Variants in METTL1 observed in about 807,000 individuals in gnomAD.
METTL1 encodes the protein tRNA (guanine-N(7)-)-methyltransferase.
METTL1 carries 14 observed loss-of-function variants against 27.7 expected under a neutral mutation model. The observed-to-expected ratio is 0.51, with a 90% CI of 0.33 to 0.79. The LOEUF (loss-of-function observed/expected upper bound fraction) is 0.79, where lower values mean the gene tolerates loss of function less well. METTL1 is among the 30% of genes least tolerant of loss of function. The pLI is 0.02. For missense variants in METTL1, 333 were observed against 359.6 expected (o/e 0.93, Z 0.60); for synonymous variants, 138 against 137.0 (o/e 1.01, Z -0.05).
In METTL1 at chr12:57,769,621, A is replaced by G. The variant is rs1955403533; in HGVS notation, c.517T>C (p.Trp173Arg). The change falls in exon 4 of 6, where the codon TGG becomes CGG. Residue 173 changes from tryptophan (W) to arginine (R), a missense_variant. Physicochemically the swap from Trp to Arg is moderately radical, Grantham distance 101. Coordinates refer to ENST00000324871, the MANE Select transcript of METTL1 (RefSeq NM_005371.6). ...DPHFKRTKHK[W>R]RIISPTLLAE... ...AGCAGGGTGGGACTGATGATTCGCC[A>G]CTTGTGCTTTGTCCGCTTGAAATGT... The G allele has an allele frequency of 1.9e-6, 3 of 1,554,730 alleles. No individual in the cohort carries two copies. The Admixed American group carries it at 5.5e-5, about 28-fold the overall frequency.
chr12:57,770,028 A>G, intron 2 of METTL1, 72 bp from the exon 3 acceptor site: 2 of 1,471,174 alleles, frequency 1.4e-6, no homozygotes, highest in African/African-American at 2.8e-5. Context: ...AACACAGGAA[A>G]GGAAGCCTCA....
rs774090928 is a variant in METTL1, at chr12:57,771,240, T to A, written c.128A>T (p.Glu43Val). 3 of 1,612,180 alleles carry A rather than the reference T, an allele frequency of 1.9e-6. No homozygotes were observed. The highest frequency in any genetic ancestry group is 2.2e-5 in the East Asian group (1 of 44,756). ...HTLRYPVKPE[E>V]MDWSELYPEF... ...TGGGTATAGCTCAGACCAGTCCATC[T>A]CCTCTGGCTTCACAGGGCTATTGGA... Residue 43 changes from glutamate (E) to valine (V), a missense_variant, in exon 2 of 6, where the codon GAG becomes GTG. Transcript: ENST00000324871.
rs1955402402 is a variant in METTL1, at chr12:57,769,547, C to T, written c.573+18G>A. On this transcript the variant is annotated intron_variant, in intron 4 of 5. Coordinates refer to ENST00000324871, the MANE Select transcript of METTL1 (RefSeq NM_005371.6). ...TGAGTAGGCCACTCACCCCATCATC[C>T]CTCCGATCCCAACTCACCCCAACTC... 6.4e-7 allele frequency: 1 copy of T among 1,558,602 alleles called. No homozygotes were observed. The highest frequency in any genetic ancestry group is 8.7e-7 in the Non-Finnish European group (1 of 1,149,546).
chr12:57,770,067 A>C, intron 2 of METTL1, 111 bp from the exon 3 acceptor site: 1 of 1,094,330 alleles, frequency 9.1e-7, no homozygotes, highest in Admixed American at 2.4e-5. Flanking sequence ...CCAGAACGGC[A>C]AGAGAGGACA....
rs778273362 is a variant in METTL1, at chr12:57,772,017, G to T, written c.67C>A (p.Gln23Lys). ...APPPQKRYYR[Q>K]RAHSNPMADH... is the part of the protein sequence containing the mutation. ...GCCATGGGGTTGGAGTGAGCACGTT[G>T]CCGGTAGTAGCGCTTCTGGGGCGGT... Residue 23 changes from glutamine (Q) to lysine (K), a missense_variant, in exon 1 of 6, where the codon CAA becomes AAA. Physicochemically the swap from Gln to Lys is moderately conservative, Grantham distance 53 (BLOSUM62 1). Coordinates refer to ENST00000324871, the MANE Select transcript of METTL1 (RefSeq NM_005371.6). This position sits in a 1 kb window ranked among gnomAD's most constrained non-coding sequence, Gnocchi z 4.1. 6.4e-7 allele frequency: 1 copy of T among 1,551,784 alleles called. No individual in the cohort carries two copies. The highest frequency in any genetic ancestry group is 8.6e-7 in the Non-Finnish European group (1 of 1,157,418).
chr12:57,769,438 G>C, intron 4 of METTL1, 34 bp from the exon 5 acceptor site: 2 of 1,609,706 alleles, frequency 1.2e-6, no homozygotes, highest in Non-Finnish European at 8.5e-7. Context: ...ACAGGAGGCT[G>C]CATGCAACGT....
Position 57,769,093 on chromosome 12 carries a change from A to G in METTL1, c.734T>C (p.Leu245Pro). 2 of 1,611,320 alleles carry G rather than the reference A, an allele frequency of 1.2e-6. No homozygotes were observed. Among genetic ancestry groups the G allele is most frequent in the Non-Finnish European group, 1.7e-6 (2 of 1,177,600 alleles). The stretch of plus-strand genomic sequence containing the variant: ...TGGGAAATTCTTCCCTCCATTACGT[A>G]GAACTTTCTTCCCCTCCTCAGTTGA... ...GTSTEEGKKV[L>P]RNGGKNFPAI... is the part of the protein sequence containing the mutation. Residue 245 changes from leucine (L) to proline (P), a missense_variant, in exon 6 of 6, where the codon CTA becomes CCA. Physicochemically the swap from Leu to Pro is moderately conservative, Grantham distance 98. Transcript: ENST00000324871.
intron 2 of METTL1, chr12:57,770,789 G>A (rs114479648): frequency 0.013 from 3,634 of 273,168 alleles, 120 homozygotes; most frequent in African/African-American, 0.071. Flanking sequence ...TGGCCACAAC[G>A]GCTAATCTCT....
chr12:57,769,602 G>A lies in METTL1; in HGVS notation c.536C>T (p.Thr179Ile), dbSNP rs575214931. 11 of 1,554,500 alleles carry A rather than the reference G, an allele frequency of 7.1e-6. No individual in the cohort carries two copies. Among genetic ancestry groups the A allele is most frequent in the Non-Finnish European group, 7.8e-6 (9 of 1,147,072 alleles). Residue 179 changes from threonine (T) to isoleucine (I), a missense_variant, in exon 4 of 6, where the codon ACC (threonine) becomes ATC (isoleucine). Physicochemically the swap from Thr to Ile is moderately conservative, Grantham distance 89. Transcript: ENST00000324871. ...CACGTAGGCATATTCTGCTAGCAGG[G>A]TGGGACTGATGATTCGCCACTTGTG... The part of the protein sequence containing the change: ...TKHKWRIISP[T>I]LLAEYAYVLR...
chr12:57,771,920 C>T, intron 1 of METTL1, 54 bp downstream of exon 1: 1 of 1,476,816 alleles, frequency 6.8e-7, no homozygotes, highest in South Asian at 1.4e-5. Flanking sequence ...CAACTGCTCT[C>T]CCGGCTGCTT....
chr12:57,771,400 G>A (rs544158838), intron 1 of METTL1, 143 bp from the exon 2 acceptor site: 89 of 1,460,992 alleles, frequency 6.1e-5, no homozygotes, highest in Non-Finnish European at 7.7e-5. Context: ...GGGCCCTGTG[G>A]CCTCTAAGAG....
At chr12:57,771,757 A>G (rs1955435330) in intron 1 of METTL1, 1 of 1,293,442 alleles carries the variant, frequency 7.7e-7, no homozygotes, top group Non-Finnish European at 1.0e-6. Context: ...TCCCAAACTT[A>G]GCACCGCTAC....
At chr12:57,771,940 C>T (rs1955438516) in intron 1 of METTL1, 34 bp downstream of exon 1, 1 of 1,485,252 alleles carries the variant, frequency 6.7e-7, no homozygotes, top group Non-Finnish European at 8.9e-7. Context: ...TTGAGAATCC[C>T]GCCCTCCTCT....
Position 57,769,645 on chromosome 12 carries a change from G to A in METTL1, c.493C>T (p.His165Tyr), listed in dbSNP as rs1362279459. ...TKMFFLFPDP[H>Y]FKRTKHKWRI... is the part of the protein sequence containing the mutation. ...CACTTGTGCTTTGTCCGCTTGAAAT[G>A]TGGGTCGGGGAAGAGGAAGAACATC... is the stretch of plus-strand genomic sequence containing the variant. Residue 165 changes from histidine to tyrosine, a missense_variant, in exon 4 of 6, where the codon CAT becomes TAT. Physicochemically the swap from His to Tyr is moderately conservative, Grantham distance 83. Transcript: ENST00000324871. 4 of 1,559,712 alleles carry A rather than the reference G, an allele frequency of 2.6e-6. No homozygotes were observed. Among genetic ancestry groups the A allele is most frequent in the African/African-American group, 1.4e-5 (1 of 73,708 alleles).
intron 1 of METTL1, chr12:57,771,472 A>C: frequency 6.7e-7 from 1 of 1,498,044 alleles, no homozygotes; most frequent in Non-Finnish European, 8.9e-7. Flanking sequence ...AGGCCCATAA[A>C]CGCTGACCTG....
rs906618518 is a variant in METTL1 at position 57,771,532 on chromosome 12, T to A, written c.111-275A>T. 5 of 1,533,256 alleles carry A rather than the reference T, an allele frequency of 3.3e-6. No individual in the cohort carries two copies. The African/African-American group carries it at 6.9e-5, about 21-fold the overall frequency. The allele number at this position is 1,533,256 out of a possible 1,614,324, so 95.0% of individuals were successfully genotyped here. On this transcript the variant is annotated intron_variant, in intron 1 of 5. Coordinates refer to ENST00000324871, the MANE Select transcript of METTL1 (RefSeq NM_005371.6). ...TGTGACCCTGGCCGGGTAACTGCCC[T>A]TTCTGGGGCACAAGTTCCCCTTCTC...
In METTL1 at chr12:57,769,623, T is replaced by C; in HGVS notation, c.515A>G (p.Lys172Arg). The C allele has an allele frequency of 1.3e-6, 2 of 1,556,016 alleles. No homozygotes were observed. The highest frequency in any genetic ancestry group is 1.7e-6 in the Non-Finnish European group (2 of 1,147,810). Residue 172 changes from lysine to arginine, a missense_variant, in exon 4 of 6, where the codon AAG becomes AGG. Coordinates refer to ENST00000324871, the MANE Select transcript of METTL1 (RefSeq NM_005371.6). ...CAGGGTGGGACTGATGATTCGCCAC[T>C]TGTGCTTTGTCCGCTTGAAATGTGG... is the stretch of plus-strand genomic sequence containing the variant. ...PDPHFKRTKH[K>R]WRIISPTLLA...
In METTL1 at chr12:57,769,761, C is replaced by T. The variant is rs780651051; in HGVS notation, c.459+11G>A. 6.2e-7 allele frequency: 1 copy of T among 1,613,904 alleles called. No individual in the cohort carries two copies. Among genetic ancestry groups the T allele is most frequent in the South Asian group, 1.1e-5 (1 of 91,080 alleles). ...TGCCTACCAGCCTAACCCACCAGGG[C>T]CCCTCCCCACCTGGCCCTTGTAGAA... is the stretch of plus-strand genomic sequence containing the variant. On this transcript the variant is annotated intron_variant, in intron 3 of 5. Transcript: ENST00000324871.
intron 1 of METTL1, 138 bp from the exon 2 acceptor site, chr12:57,771,395 C>T (rs1281864408): frequency 6.8e-7 from 1 of 1,465,466 alleles, no homozygotes; most frequent in Admixed American, 2.6e-5. Flanking sequence ...ACACTGGGCC[C>T]TGTGGCCTCT....
Sources: gnomAD v4.1 joint callset for allele counts on GRCh38, gnomAD v4.1.1 for gene constraint, Gnocchi (gnomAD v3.1) non-coding constraint, MANE v1.5 for transcripts, NCBI Gene and HGNC (gene_info 2026-07-23, HGNC 2026-07-21) for gene names.